The following COL6A1 variants were observed in gnomAD, a reference collection of about 807,000 sequenced individuals.
COL6A1 encodes collagen alpha-1(VI) chain.
COL6A1 carries 80 observed loss-of-function variants against 145.6 expected under a neutral mutation model. The observed-to-expected ratio is 0.55, with a 90% confidence interval of 0.46 to 0.66. COL6A1 has a LOEUF of 0.66. Ranked by LOEUF, COL6A1 falls within the 30% of genes least tolerant of loss-of-function variation. The probability of loss-of-function intolerance (pLI) is 0.00; values close to 1 mark genes in which losing one functional copy is unlikely to be tolerated. For missense variants in COL6A1, 1,364 were observed against 1,473.8 expected (o/e 0.93, Z 1.22); for synonymous variants, 638 against 622.8 (o/e 1.02, Z -0.36).
At position 45,982,728 on chromosome 21, in the gene COL6A1, C is replaced by T; in HGVS notation, c.192C>T (p.Ser64=). Residue 64 remains serine (S), a synonymous_variant, in exon 2 of 35, where the codon TCC becomes TCT. Coordinates refer to ENST00000361866, the MANE Select transcript of COL6A1 (RefSeq NM_001848.3). ...GGGCCCTCGTGGACAAAGTCAAGTCCTTCACCAAGCGCTTCATCGACAACC... is the reference window on the plus strand; with the variant it reads ...GGGCCCTCGTGGACAAAGTCAAGTCTTTCACCAAGCGCTTCATCGACAACC... ...PYGALVDKVK[S]FTKRFIDNLR... The T allele has an allele frequency of 6.2e-7, 1 of 1,612,794 alleles. No homozygotes were observed. Among genetic ancestry groups the T allele is most frequent in the South Asian group, 1.1e-5 (1 of 91,082 alleles).
At chr21:45,988,992 T>A in intron 8 of COL6A1, 92 bp from the exon 9 acceptor site, 1 of 1,483,120 alleles carries the variant, frequency 6.7e-7, no homozygotes, top group Non-Finnish European at 9.3e-7. Flanking sequence ...CCCTGAAGGC[T>A]GGATGAAGCG....
chr21:45,982,377 CG>C (rs2123459825), intron 1 of COL6A1, among the ~76,000 whole-genome samples: 1 of 151,976 alleles, frequency 6.6e-6, no homozygotes, highest in Admixed American at 6.6e-5. Flanking sequence ...GGTCCCGTGC[CG>C]GGGACGCCCT....
chr21:45,987,425 C>T (rs571435860), intron 6 of COL6A1, 74 bp from the exon 7 acceptor site: 12 of 1,600,352 alleles, frequency 7.5e-6, no homozygotes, highest in South Asian at 5.5e-5. Context: ...GTGCCTGGGT[C>T]GCATGTCACC....
Position 45,986,854 on chromosome 21 carries a change from C to T in COL6A1, c.589-90C>T, listed in dbSNP as rs1053341298. On this transcript the variant is annotated intron_variant, in intron 4 of 34. Transcript: ENST00000361866. ...TCCTGCTGAGGAGCCTGGAGCGCCC[C>T]AGCCCAGCCTCCCCTCTGGCCCTGT... The T allele has an allele frequency of 1.3e-5, 20 of 1,530,726 alleles. No homozygotes were observed. In the South Asian group the frequency reaches 1.8e-4, roughly 14 times the overall value. The allele number at this position is 1,530,726 out of a possible 1,614,324, so 94.8% of individuals were successfully genotyped here.
At chr21:45,999,251 G>T in intron 26 of COL6A1, 33 bp downstream of exon 26, 1 of 1,558,466 alleles carries the variant, frequency 6.4e-7, no homozygotes, top group Non-Finnish European at 8.7e-7. Context: ...GGCCACGGTG[G>T]GCTGTGCCTG....
rs1439439162 is a variant in COL6A1 at position 46,003,141 on chromosome 21, C to A, written c.2456C>A (p.Thr819Asn). The A allele has an allele frequency of 6.2e-7, 1 of 1,614,108 alleles. No individual in the cohort carries two copies. ...ACAGACAAGAAGTGTCCAGATTACA[C>A]CTGCCCCAGTGAGTACCTCGGCGGC... ...ICIDKKCPDY[T>N]CPITFSSPAD... The change falls in exon 34 of 35, where the codon ACC becomes AAC. Residue 819 changes from threonine to asparagine, a missense_variant. By Grantham distance (65) the Thr-to-Asn change is moderately conservative. This residue lies in a region of COL6A1 where 938 missense variants were observed against 1,003.8 expected (regional missense o/e 0.93). Transcript: ENST00000361866.
In COL6A1 at chr21:45,998,879, G is replaced by A. The variant is rs1412063460; in HGVS notation, c.1612-18G>A. ...AAAATAAAACCCTTGTTAACCAAGTGCTCTCCCGTCACTGCAGGGCACGAA... is the reference window on the plus strand; with the variant it reads ...AAAATAAAACCCTTGTTAACCAAGTACTCTCCCGTCACTGCAGGGCACGAA... On this transcript the variant is annotated intron_variant, in intron 24 of 34. Transcript: ENST00000361866. 9.7e-6 allele frequency: 15 copies of A among 1,552,302 alleles called. No homozygotes were observed. The highest frequency in any genetic ancestry group is 4.1e-5 in the African/African-American group (3 of 73,348).
intron 20 of COL6A1, among the ~76,000 whole-genome samples, chr21:45,996,925 G>A (rs999004998): frequency 3.3e-5 from 5 of 152,188 alleles, no homozygotes; most frequent in African/African-American, 7.2e-5. Flanking sequence ...AGGGTCCTGC[G>A]GTTGGGGGTG....
rs998278021 is a variant in COL6A1, at chr21:46,004,357, G to A, written c.*344G>A. The A allele has an allele frequency of 4.8e-6, 2 of 414,250 alleles. No homozygotes were observed. The highest frequency in any genetic ancestry group is 5.0e-5 in the South Asian group (2 of 39,936). 25.7% of individuals were successfully genotyped at this position (414,250 alleles called of 1,614,324 possible). On this transcript the variant is annotated 3_prime_UTR_variant, in exon 35 of 35. Coordinates refer to ENST00000361866, the MANE Select transcript of COL6A1 (RefSeq NM_001848.3). Reference sequence around the variant, plus strand: ...GGCCTCACCTGGGTTCCCCACCCCGGGCTCTCCTGCCCTGCCCTCCTGCCC... The same window carrying A: ...GGCCTCACCTGGGTTCCCCACCCCGAGCTCTCCTGCCCTGCCCTCCTGCCC...
Position 45,994,258 on chromosome 21 carries a change from T to C in COL6A1, c.1398+29T>C, listed in dbSNP as rs2077792714. On this transcript the variant is annotated intron_variant, in intron 20 of 34. Coordinates refer to ENST00000361866, the MANE Select transcript of COL6A1 (RefSeq NM_001848.3). This position sits in a 1 kb window ranked among gnomAD's most constrained non-coding sequence, Gnocchi z 6.8. ...GGAAGCGCTGTGGGGTTGGGGGGCG[T>C]TGGCCAATTTGGGTTTTGGGGGTAG... The C allele has an allele frequency of 1.3e-6, 2 of 1,595,410 alleles. No homozygotes were observed. Among genetic ancestry groups the C allele is most frequent in the South Asian group, 1.1e-5 (1 of 88,126 alleles).
chr21:45,992,166 C>A lies in COL6A1; in HGVS notation c.1185C>A (p.Gly395=). 6.2e-7 allele frequency: 1 copy of A among 1,613,678 alleles called. No homozygotes were observed. ...CATTCAACCCTTGTTCCCCACAGGG[C>A]CAGCCGGGAGAGCCTGGGCCCCCCG... is the stretch of plus-strand genomic sequence containing the variant. ...PGSSGPSGDE[G]QPGEPGPPGE... is the part of the protein sequence containing the mutation. Residue 395 remains glycine (G), a splice_region_variant and synonymous_variant, in exon 17 of 35, where the codon GGC becomes GGA. Coordinates refer to ENST00000361866, the MANE Select transcript of COL6A1 (RefSeq NM_001848.3).
intron 26 of COL6A1, 136 bp from the exon 27 acceptor site, chr21:45,999,521 G>A (rs753053321): frequency 4.2e-5 from 41 of 981,008 alleles, no homozygotes; most frequent in Admixed American, 7.9e-5. Flanking sequence ...ACTGGAGGAC[G>A]AGGGGCTGGG....
intron 29 of COL6A1, 97 bp from the exon 30 acceptor site, chr21:46,001,156 G>A (rs571914977): frequency 1.3e-6 from 2 of 1,518,214 alleles, no homozygotes; most frequent in Non-Finnish European, 1.8e-6. Context: ...TGTCAGGTGA[G>A]GATGTGGCAG....
In COL6A1 at chr21:45,998,884, C is replaced by T. The variant is rs1451884716; in HGVS notation, c.1612-13C>T. 3 of 1,553,162 alleles carry T rather than the reference C, an allele frequency of 1.9e-6. No homozygotes were observed. The highest frequency in any genetic ancestry group is 1.7e-6 in the Non-Finnish European group (2 of 1,147,864). ...AAAACCCTTGTTAACCAAGTGCTCTCCCGTCACTGCAGGGCACGAAGGGCT... is the reference window on the plus strand; with the variant it reads ...AAAACCCTTGTTAACCAAGTGCTCTTCCGTCACTGCAGGGCACGAAGGGCT... On this transcript the variant is annotated splice_polypyrimidine_tract_variant and intron_variant, in intron 24 of 34. Coordinates refer to ENST00000361866, the MANE Select transcript of COL6A1 (RefSeq NM_001848.3).
chr21:46,002,808 C>T (rs1227996456), intron 33 of COL6A1, 98 bp downstream of exon 33: 21 of 1,393,776 alleles, frequency 1.5e-5, no homozygotes, highest in Admixed American at 1.2e-4. Flanking sequence ...CGGGGCCGCC[C>T]GGGCAGTCCC....
At chr21:46,001,835 C>A in intron 30 of COL6A1, 126 bp from the exon 31 acceptor site, 2 of 786,280 alleles carry the variant, frequency 2.5e-6, no homozygotes, top group Non-Finnish European at 2.1e-6. Context: ...TCGCAGGGGA[C>A]CCAGGTCCTG....
In COL6A1 at chr21:45,990,366, C is replaced by T; in HGVS notation, c.958-12C>T. On this transcript the variant is annotated splice_polypyrimidine_tract_variant and intron_variant, in intron 12 of 34. Coordinates refer to ENST00000361866, the MANE Select transcript of COL6A1 (RefSeq NM_001848.3). ...TGCATCTGACTCCTGCCTTCGTTTT[C>T]CCGCCTCACAGGGAGAGAAGGGCAA... The T allele has an allele frequency of 6.6e-7, 1 of 1,519,482 alleles. No homozygotes were observed. Among genetic ancestry groups the T allele is most frequent in the Non-Finnish European group, 8.9e-7 (1 of 1,125,804 alleles). The allele number at this position is 1,519,482 out of a possible 1,614,324, so 94.1% of individuals were successfully genotyped here. A position where few individuals can be genotyped will look rare whatever the true frequency, so the allele number is the denominator to read the frequency against.
At chr21:45,984,183 C>A in intron 2 of COL6A1, 86 bp from the exon 3 acceptor site, 1 of 1,317,344 alleles carries the variant, frequency 7.6e-7, no homozygotes, top group Non-Finnish European at 1.1e-6. Flanking sequence ...GGCAGCCTGT[C>A]CATCTGGGTG....
intron 20 of COL6A1, among the ~76,000 whole-genome samples, chr21:45,996,546 C>T (rs1603592642): frequency 1.3e-5 from 2 of 152,248 alleles, no homozygotes; most frequent in Non-Finnish European, 2.9e-5. Flanking sequence ...CATCGGGAAG[C>T]ATCAGCCTAA....
Sources: gnomAD v4.1 joint callset for allele counts (sites outside exome capture counted in the v4.1 genomes callset) on GRCh38, gnomAD v4.1.1 for gene constraint, gnomAD v4.1.1 regional missense constraint, Gnocchi (gnomAD v3.1) non-coding constraint, MANE v1.5 for transcripts, NCBI Gene and HGNC (gene_info 2026-07-23, HGNC 2026-07-21) for gene names.